CELF2: variants seen among roughly 807,000 people sequenced by gnomAD.
CELF2 encodes the protein CUG triplet repeat RNA-binding protein 2.
In CELF2, 8 loss-of-function variants were observed where a neutral mutation model predicts 62.6. The ratio of observed to expected loss-of-function variants is 0.13; its 90% CI spans 0.07 to 0.23. The LOEUF (loss-of-function observed/expected upper bound fraction) is 0.23. CELF2 is among the 10% of genes least tolerant of loss of function. The pLI is 1.00. For synonymous variants in CELF2, 258 were observed against 250.0 expected (o/e 1.03, Z -0.30); for missense variants, 333 against 671.0 (o/e 0.50, Z 5.56).
In CELF2 at chr10:11,332,287, G is replaced by A. The variant is rs548793460; in HGVS notation, c.*3234G>A. 2 of 152,292 alleles carry A rather than the reference G, an allele frequency of 1.3e-5. No homozygotes were observed. Among genetic ancestry groups the A allele is most frequent in the South Asian group, 4.1e-4 (2 of 4,826 alleles). 9.4% of individuals were successfully genotyped at this position (152,292 alleles called of 1,614,324 possible). On this transcript the variant is annotated 3_prime_UTR_variant, in exon 13 of 13. Coordinates refer to ENST00000633077, the MANE Select transcript of CELF2 (RefSeq NM_001326342.2). ...CGACTTTGTGGCAGGACAGTCTCTT[G>A]AGGGGTTTTGTTTCTGTTTCCTAAA...
At chr10:11,115,988 C>T (rs1364677042) in intron 1 of CELF2, among the ~76,000 whole-genome samples, 1 of 152,086 alleles carries the variant, frequency 6.6e-6, no homozygotes, top group Admixed American at 6.5e-5. Flanking sequence ...GACCTTTTTC[C>T]CTGTAGCAGC....
chr10:10,565,060 A>G, the CELF2 span, among the ~76,000 whole-genome samples: 1 of 152,234 alleles, frequency 6.6e-6, no homozygotes, highest in Non-Finnish European at 1.5e-5. Flanking sequence ...TGGAATTTTT[A>G]ACCCAAATTG....
rs576236499 is a variant in CELF2, at chr10:11,224,773, C to T, written c.354+7266C>T. Among the ~76,000 whole-genome samples the T allele has an allele frequency of 2.0e-4, 31 of 152,198 alleles. No homozygotes were observed. In the South Asian group the frequency reaches 6.2e-3, roughly 31 times the overall value. The stretch of plus-strand genomic sequence containing the variant: ...AGATGATGTCCAGGTGAAGTGCGCT[C>T]GTGAGTTCGGAGCCTGGAGCTTTAG... On this transcript the variant is annotated intron_variant, in intron 3 of 12. Coordinates refer to ENST00000633077, the MANE Select transcript of CELF2 (RefSeq NM_001326342.2). The surrounding 1 kb of genome is among the most constrained non-coding windows in gnomAD (Gnocchi z 4.5).
At chr10:10,592,199 T>G in the CELF2 span, among the ~76,000 whole-genome samples, 1 of 152,340 alleles carries the variant, frequency 6.6e-6, no homozygotes, top group African/African-American at 2.4e-5. Flanking sequence ...TCTGTTCATA[T>G]GCTGTTCCCA....
intron 2 of CELF2, among the ~76,000 whole-genome samples, chr10:10,986,305 CTCTAATA>C (rs2052744820): frequency 1.3e-5 from 2 of 151,994 alleles, no homozygotes; most frequent in Admixed American, 1.3e-4. Context: ...GATTTTTTCC[CTCTAATA>C]TCTAAGAAAG....
In CELF2 at chr10:11,117,935, A is replaced by T. The variant is rs936951576; in HGVS notation, c.75-47551A>T. ...TTATAAGGCAGAATGCTTTGAATGCATTCTGCCTCAAAAGGCATTTTGCTC... is the reference window on the plus strand; with the variant it reads ...TTATAAGGCAGAATGCTTTGAATGCTTTCTGCCTCAAAAGGCATTTTGCTC... On this transcript the variant is annotated intron_variant, in intron 1 of 12. Coordinates refer to ENST00000633077, the MANE Select transcript of CELF2 (RefSeq NM_001326342.2). This position sits in a 1 kb window ranked among gnomAD's most constrained non-coding sequence, Gnocchi z 4.1. Among the ~76,000 whole-genome samples the T allele has an allele frequency of 4.6e-5, 7 of 152,188 alleles. No individual in the cohort carries two copies. The highest frequency in any genetic ancestry group is 1.7e-4 in the African/African-American group (7 of 41,442).
intron 1 of CELF2, among the ~76,000 whole-genome samples, chr10:11,114,827 G>A (rs539544249): frequency 6.6e-6 from 1 of 152,114 alleles, no homozygotes; most frequent in Non-Finnish European, 1.5e-5. Flanking sequence ...TTTATTATAC[G>A]ATTTTGAGTT....
chr10:11,126,127 A>G (rs1168816020), intron 1 of CELF2, among the ~76,000 whole-genome samples: 1 of 152,212 alleles, frequency 6.6e-6, no homozygotes, highest in Non-Finnish European at 1.5e-5. Context: ...GACAATGACC[A>G]AGTAAGGATG....
the CELF2 span, among the ~76,000 whole-genome samples, chr10:10,647,385 T>C: frequency 6.6e-6 from 1 of 152,208 alleles, no homozygotes; most frequent in Non-Finnish European, 1.5e-5. Flanking sequence ...CGTTTTAGAT[T>C]TGATCTCAAC....
chr10:10,534,112 A>G, the CELF2 span, among the ~76,000 whole-genome samples: 22 of 151,926 alleles, frequency 1.4e-4, no homozygotes, highest in Non-Finnish European at 2.2e-4. Flanking sequence ...CAAAAAAGAT[A>G]AGGACTGGAA....
In CELF2 at chr10:10,887,777, T is replaced by TTA. The variant is rs548097936; in HGVS notation, c.54-32186_54-32185insAT. 4.6e-3 allele frequency among the ~76,000 whole-genome samples: 688 copies of TTA among 150,880 alleles called. 7 individuals carry two copies. The highest frequency in any genetic ancestry group is 0.016 in the African/African-American group (662 of 41,390). Reference sequence around the variant, plus strand: ...CAATTGTTCTGTGTAGACTTTTATTTTTTTTTTTTTTTGGAGACAAAGTCT... The same window carrying TTA: ...CAATTGTTCTGTGTAGACTTTTATTTTATTTTTTTTTTTTGGAGACAAAGTCT... On this transcript the variant is annotated intron_variant, in intron 1 of 13. Transcript: ENST00000636488.
At chr10:10,751,913 G>T in the CELF2 span, among the ~76,000 whole-genome samples, 1 of 152,094 alleles carries the variant, frequency 6.6e-6, no homozygotes, top group Non-Finnish European at 1.5e-5. Flanking sequence ...TCGTGACCTG[G>T]CTCTTTGATT....
At chr10:10,689,433 A>G in the CELF2 span, among the ~76,000 whole-genome samples, 4 of 152,220 alleles carry the variant, frequency 2.6e-5, no homozygotes, top group African/African-American at 4.8e-5. Flanking sequence ...ACAAATCAAC[A>G]TGATATTTGG....
At chr10:10,828,118 G>A (rs187585536) in intron 1 of CELF2, among the ~76,000 whole-genome samples, 74 of 151,010 alleles carry the variant, frequency 4.9e-4, no homozygotes, top group Middle Eastern at 3.4e-3. Flanking sequence ...AAAAAACCGC[G>A]AACAGAATTA....
At chr10:10,914,450 T>C (rs995506711) in intron 1 of CELF2, among the ~76,000 whole-genome samples, 3 of 152,236 alleles carry the variant, frequency 2.0e-5, no homozygotes, top group Non-Finnish European at 2.9e-5. Flanking sequence ...TGATGAATGC[T>C]CTACATATTT....
At chr10:10,791,984 A>G in the CELF2 span, among the ~76,000 whole-genome samples, 1 of 119,310 alleles carries the variant, frequency 8.4e-6, no homozygotes, top group Non-Finnish European at 1.8e-5. Flanking sequence ...CGAAGGGAGA[A>G]GGAAAAGAGA....
chr10:10,705,045 C>T, the CELF2 span, among the ~76,000 whole-genome samples: 4 of 151,830 alleles, frequency 2.6e-5, no homozygotes, highest in African/African-American at 7.3e-5. Context: ...TAGTAGCCGG[C>T]GGTGGTGGCA....
intron 2 of CELF2, among the ~76,000 whole-genome samples, chr10:11,194,526 C>T (rs1399083617): frequency 6.6e-6 from 1 of 152,158 alleles, no homozygotes; most frequent in Non-Finnish European, 1.5e-5. Flanking sequence ...CAAAGCTGTC[C>T]TGAACATTCA....
the CELF2 span, chr10:10,792,224 T>C: frequency 2.5e-6 from 1 of 395,094 alleles, no homozygotes; most frequent in Non-Finnish European, 4.5e-6. Flanking sequence ...CAATCAATAT[T>C]TGTGTGCAGT....
Sources: allele counts gnomAD v4.1 joint callset (sites outside exome capture counted in the v4.1 genomes callset), GRCh38; gene constraint gnomAD v4.1.1; non-coding constraint Gnocchi (gnomAD v3.1); transcripts MANE v1.5; gene names NCBI Gene and HGNC (gene_info 2026-07-23, HGNC 2026-07-21).